The following ANKS1B variants were observed in gnomAD, a reference collection of about 807,000 sequenced individuals.
ANKS1B encodes ankyrin repeat and sterile alpha motif domain-containing protein 1B.
ANKS1B carries 36 observed loss-of-function variants against 148.3 expected under a neutral mutation model. The observed-to-expected ratio is 0.24, with a 90% CI of 0.19 to 0.32. The LOEUF (loss-of-function observed/expected upper bound fraction) is 0.32. Ranked by LOEUF, ANKS1B falls within the 10% of genes least tolerant of loss-of-function variation. The pLI, the probability that ANKS1B is intolerant of heterozygous loss-of-function variation, is 1.00. For synonymous variants in ANKS1B, 542 were observed against 560.8 expected, an observed-to-expected ratio of 0.97 and a Z score of 0.47; for missense variants, 1,157 against 1,542.6, an observed-to-expected ratio of 0.75 and a Z score of 4.19.
chr12:99,810,290 G>A (rs1475321255), intron 3 of ANKS1B, among the ~76,000 whole-genome samples: 1 of 151,854 alleles, frequency 6.6e-6, no homozygotes, highest in East Asian at 1.9e-4. Flanking sequence ...TTAGAACAGT[G>A]CCCGCTTTAC....
chr12:99,091,349 C>A (rs933232064), intron 15 of ANKS1B, among the ~76,000 whole-genome samples: 1 of 152,056 alleles, frequency 6.6e-6, no homozygotes, highest in African/African-American at 2.4e-5. Flanking sequence ...ATTTAAGTAA[C>A]CAGGTATTTA....
At chr12:99,851,382 C>T (rs12367558) in intron 1 of ANKS1B, among the ~76,000 whole-genome samples, 20,692 of 151,942 alleles carry the variant, frequency 0.14, 2,374 homozygotes, top group African/African-American at 0.31. Flanking sequence ...CCTACCCCCA[C>T]CTGATCATCA....
intron 10 of ANKS1B, among the ~76,000 whole-genome samples, chr12:99,461,283 T>C (rs547557334): frequency 2.6e-5 from 4 of 151,604 alleles, no homozygotes; most frequent in Admixed American, 6.6e-5. Context: ...GGGGAAAGAG[T>C]GGAAGGGCAG....
At chr12:99,454,904 C>G (rs965825809) in intron 10 of ANKS1B, among the ~76,000 whole-genome samples, 8 of 152,126 alleles carry the variant, frequency 5.3e-5, no homozygotes, top group African/African-American at 1.4e-4. Context: ...TGGGTTCCCT[C>G]CCAATGCTTA....
intron 4 of ANKS1B, among the ~76,000 whole-genome samples, chr12:99,793,349 T>C (rs1422579841): frequency 6.6e-6 from 1 of 151,974 alleles, no homozygotes; most frequent in Non-Finnish European, 1.5e-5. Flanking sequence ...CCAAAATTTA[T>C]ACAGAATCAC....
At chr12:99,968,225 C>A (rs1340055918) in intron 1 of ANKS1B, among the ~76,000 whole-genome samples, 2 of 152,118 alleles carry the variant, frequency 1.3e-5, no homozygotes. Context: ...TTAAAAACGA[C>A]AGGCTTAGAT....
chr12:99,209,033 T>C (rs1289013591), intron 14 of ANKS1B, among the ~76,000 whole-genome samples: 1 of 152,168 alleles, frequency 6.6e-6, no homozygotes, highest in Non-Finnish European at 1.5e-5. Context: ...CATGATACAA[T>C]TGGAAATACT....
intron 14 of ANKS1B, among the ~76,000 whole-genome samples, chr12:99,215,792 G>C (rs1311789515): frequency 6.6e-6 from 1 of 152,190 alleles, no homozygotes; most frequent in Non-Finnish European, 1.5e-5. Context: ...TGGGCTCATG[G>C]GCAGAAGAGA....
intron 8 of ANKS1B, among the ~76,000 whole-genome samples, chr12:99,685,524 GTCCTTAA>G (rs1211932083): frequency 6.6e-6 from 1 of 152,112 alleles, no homozygotes; most frequent in Non-Finnish European, 1.5e-5. Context: ...AGTGTGGAAA[GTCCTTAA>G]AGAACTAAAA....
intron 17 of ANKS1B, among the ~76,000 whole-genome samples, chr12:98,939,747 T>C (rs1567899040): frequency 6.6e-6 from 1 of 152,230 alleles, no homozygotes; most frequent in Non-Finnish European, 1.5e-5. Flanking sequence ...TACATATTTC[T>C]TGGAGGAACA....
chr12:99,675,905 G>A (rs1467350784), intron 8 of ANKS1B, among the ~76,000 whole-genome samples: 1 of 152,080 alleles, frequency 6.6e-6, no homozygotes, highest in Non-Finnish European at 1.5e-5. Flanking sequence ...AAAATGCACA[G>A]CATGATTCTG....
At chr12:98,831,816 T>C in intron 18 of ANKS1B, 1 of 572,934 alleles carries the variant, frequency 1.7e-6, no homozygotes, top group South Asian at 2.0e-5. Context: ...TGGTGCGATC[T>C]CTGCTCACTG....
At chr12:99,505,693 A>T (rs1282495682) in intron 9 of ANKS1B, among the ~76,000 whole-genome samples, 1 of 150,408 alleles carries the variant, frequency 6.6e-6, no homozygotes, top group Non-Finnish European at 1.5e-5. Context: ...AACTAATGAG[A>T]CATAATCCTT....
intron 8 of ANKS1B, among the ~76,000 whole-genome samples, chr12:99,753,679 C>T (rs186236943): frequency 1.3e-5 from 2 of 152,106 alleles, no homozygotes; most frequent in African/African-American, 4.8e-5. Flanking sequence ...CAAATCTACA[C>T]ATATCAATAC....
At position 98,835,737 on chromosome 12, in the gene ANKS1B, G is replaced by GGATAGAT. The variant is rs111370751; in HGVS notation, c.2779-3608_2779-3602dup. Among the ~76,000 whole-genome samples, 4 of 152,068 alleles carry GGATAGAT rather than the reference G, an allele frequency of 2.6e-5. No individual in the cohort carries two copies. The East Asian group carries it at 7.7e-4, about 29-fold the overall frequency. Reference sequence around the variant, plus strand: ...TGGACGGATGAATGAATGGATTGATGGATAGATGATAGATGATAGACAGAT... The same window carrying GGATAGAT: ...TGGACGGATGAATGAATGGATTGATGGATAGATGATAGATGATAGATGATAGACAGAT... On this transcript the variant is annotated intron_variant, in intron 17 of 26. Transcript: ENST00000683438.
chr12:99,422,774 T>C (rs903910540), intron 11 of ANKS1B, among the ~76,000 whole-genome samples: 1 of 152,142 alleles, frequency 6.6e-6, no homozygotes, highest in African/African-American at 2.4e-5. Flanking sequence ...TGGCATTGAC[T>C]TGAGTACATT....
At chr12:99,629,768 C>G (rs1354431561) in intron 9 of ANKS1B, among the ~76,000 whole-genome samples, 2 of 152,004 alleles carry the variant, frequency 1.3e-5, no homozygotes, top group East Asian at 3.9e-4. Flanking sequence ...AAATAACTAC[C>G]ATTTACTGAG....
intron 8 of ANKS1B, among the ~76,000 whole-genome samples, chr12:99,661,711 C>G (rs1169632615): frequency 6.6e-6 from 1 of 152,186 alleles, no homozygotes. Flanking sequence ...CTCCTTTTGT[C>G]TTTAGTAACA....
chr12:98,808,046 A>C, intron 19 of ANKS1B, 128 bp from the exon 20 acceptor site: 2 of 723,966 alleles, frequency 2.8e-6, no homozygotes, highest in Non-Finnish European at 4.4e-6. Flanking sequence ...AAACTCAAAA[A>C]ATGTTTTAGG....
Sources: gnomAD v4.1 joint callset for allele counts (sites outside exome capture counted in the v4.1 genomes callset) on GRCh38, gnomAD v4.1.1 for gene constraint, MANE v1.5 for transcripts, NCBI Gene and HGNC (gene_info 2026-07-23, HGNC 2026-07-21) for gene names.